Variants in PRKN observed in about 807,000 individuals in gnomAD.
PRKN encodes parkin RBR E3 ubiquitin protein ligase.
In PRKN, 56 loss-of-function variants were observed where a neutral mutation model predicts 59.5. The observed-to-expected ratio is 0.94, with a 90% CI of 0.76 to 1.18. The LOEUF (loss-of-function observed/expected upper bound fraction) is 1.18, where lower values mean the gene tolerates loss of function less well. Among genes scored for constraint, PRKN ranks in the 50% most tolerant of loss-of-function variants. The pLI is 0.00. For missense variants in PRKN, 657 were observed against 596.4 expected (o/e 1.10, Z -1.06); for synonymous variants, 250 against 222.1 (o/e 1.13, Z -1.12).
intron 2 of PRKN, among the ~76,000 whole-genome samples, chr6:162,296,393 G>C (rs1781679996): frequency 6.6e-6 from 1 of 151,962 alleles, no homozygotes; most frequent in Non-Finnish European, 1.5e-5. Context: ...GCTTTTATGT[G>C]AGTCTGATAC....
In PRKN at chr6:162,332,403, G is replaced by C. The variant is rs1171602868; in HGVS notation, c.172-69638C>G. On this transcript the variant is annotated intron_variant, in intron 2 of 11. Coordinates refer to ENST00000366898, the MANE Select transcript of PRKN (RefSeq NM_004562.3). ...CCCCTCTCTCTCCTGAGCCCTGTAG[G>C]CATCCAGGTTTATACCTCCTGCCCT... 2.0e-5 allele frequency among the ~76,000 whole-genome samples: 3 copies of C among 152,100 alleles called. No homozygotes were observed. The East Asian group carries it at 5.8e-4, about 29-fold the overall frequency.
chr6:161,968,432 T>C (rs1780669611), intron 6 of PRKN, among the ~76,000 whole-genome samples: 2 of 152,112 alleles, frequency 1.3e-5, no homozygotes, highest in African/African-American at 4.8e-5. Flanking sequence ...ATGACAGGCC[T>C]GTCTGACCTC....
chr6:162,261,880 T>C (rs547016205), intron 3 of PRKN, among the ~76,000 whole-genome samples: 313 of 152,330 alleles, frequency 2.1e-3, no homozygotes, highest in Non-Finnish European at 3.6e-3. Flanking sequence ...TAGGCTTCCA[T>C]CTTGCAGGCC....
rs1482757161 is a variant in PRKN, at chr6:161,377,499, A to T, written c.1167+9295T>A. The stretch of plus-strand genomic sequence containing the variant: ...CTTAACATACGGCTGCAAGCCAAAA[A>T]TGCACTGTCGCTATCCTGTAATCCT... On this transcript the variant is annotated intron_variant, in intron 10 of 11. Transcript: ENST00000366898. The surrounding 1 kb of genome is among the most constrained non-coding windows in gnomAD (Gnocchi z 4.2). 6.6e-6 allele frequency among the ~76,000 whole-genome samples: 1 copy of T among 152,250 alleles called. No individual in the cohort carries two copies. The highest frequency in any genetic ancestry group is 1.5e-5 in the Non-Finnish European group (1 of 68,048).
At chr6:161,668,556 T>A (rs778035772) in intron 7 of PRKN, among the ~76,000 whole-genome samples, 4 of 152,138 alleles carry the variant, frequency 2.6e-5, no homozygotes, top group Non-Finnish European at 5.9e-5. Context: ...TGCACCAACA[T>A]GAACAAGAGG....
chr6:162,490,412 G>C (rs1384228221), intron 1 of PRKN, among the ~76,000 whole-genome samples: 4 of 152,088 alleles, frequency 2.6e-5, no homozygotes, highest in Non-Finnish European at 5.9e-5. Context: ...ATATACAGAA[G>C]ATCATGAATA....
chr6:161,912,179 A>AG, intron 6 of PRKN, among the ~76,000 whole-genome samples: 1 of 150,682 alleles, frequency 6.6e-6, no homozygotes, highest in East Asian at 1.9e-4. Context: ...TCTGTCCTAA[A>AG]AAAAAAAAAA....
intron 1 of PRKN, among the ~76,000 whole-genome samples, chr6:162,540,883 C>T (rs527967471): frequency 1.3e-5 from 2 of 152,078 alleles, no homozygotes; most frequent in East Asian, 3.9e-4. Flanking sequence ...GTATCTGTCA[C>T]GTGTCATTCT....
chr6:161,490,179 C>T lies in PRKN; in HGVS notation c.1083+58675G>A, dbSNP rs568231910. On this transcript the variant is annotated intron_variant, in intron 9 of 11. Coordinates refer to ENST00000366898, the MANE Select transcript of PRKN (RefSeq NM_004562.3). ...TGACAAACATAAGGCCAAGGAGTAT[C>T]CCTGGTCACAAAGGCTTTGAACTCT... Among the ~76,000 whole-genome samples, 7 of 152,280 alleles carry T rather than the reference C, an allele frequency of 4.6e-5. No individual in the cohort carries two copies. In the South Asian group the frequency reaches 1.0e-3, roughly 23 times the overall value.
In PRKN at chr6:161,462,029, C is replaced by G. The variant is rs1051723622; in HGVS notation, c.1084-75152G>C. On this transcript the variant is annotated intron_variant, in intron 9 of 11. Transcript: ENST00000366898. The surrounding 1 kb of genome is among the most constrained non-coding windows in gnomAD (Gnocchi z 4.5). ...GGATGGCAATGGTGGGGGAAGATGG[C>G]TGGAAAGGTGGGTGAGAAGGGCACC... Among the ~76,000 whole-genome samples the G allele has an allele frequency of 6.6e-6, 1 of 152,028 alleles. No homozygotes were observed. Among genetic ancestry groups the G allele is most frequent in the Non-Finnish European group, 1.5e-5 (1 of 68,004 alleles).
intron 2 of PRKN, among the ~76,000 whole-genome samples, chr6:162,390,396 T>TATATATATATATATATATATAGAC (rs1180636201): frequency 1.2e-5 from 1 of 84,116 alleles, no homozygotes. Context: ...TATATATATA[T>TATATATATATATATATATATAGAC]ACACACACAC....
intron 5 of PRKN, among the ~76,000 whole-genome samples, chr6:162,034,141 TTGTG>T (rs150558275): frequency 6.9e-6 from 1 of 145,682 alleles, no homozygotes. Context: ...GGTCATTCAA[TTGTG>T]TGTGTGTGTG....
chr6:162,656,683 C>T (rs182357497), intron 1 of PRKN, among the ~76,000 whole-genome samples: 9 of 152,276 alleles, frequency 5.9e-5, no homozygotes, highest in Non-Finnish European at 8.8e-5. Context: ...TTTTGAAGAG[C>T]ACATATAATC....
At chr6:162,239,968 TA>T (rs1778916342) in intron 3 of PRKN, among the ~76,000 whole-genome samples, 1 of 152,156 alleles carries the variant, frequency 6.6e-6, no homozygotes, top group Non-Finnish European at 1.5e-5. Flanking sequence ...ACAGCATGAG[TA>T]CTACTTCCCC....
intron 7 of PRKN, among the ~76,000 whole-genome samples, chr6:161,730,288 T>C (rs1787633114): frequency 6.6e-6 from 1 of 151,190 alleles, no homozygotes; most frequent in South Asian, 2.1e-4. Context: ...CTTTCAGATA[T>C]GTTGCATTCT....
chr6:161,657,729 A>G (rs1344781243), intron 7 of PRKN, among the ~76,000 whole-genome samples: 1 of 152,142 alleles, frequency 6.6e-6, no homozygotes, highest in African/African-American at 2.4e-5. Flanking sequence ...ACATGAATTA[A>G]AAACGAGTAT....
Position 161,390,705 on chromosome 6 carries a change from T to C in PRKN, c.1084-3828A>G, listed in dbSNP as rs1395144710. Among the ~76,000 whole-genome samples, 1 of 152,120 alleles carries C rather than the reference T, an allele frequency of 6.6e-6. No homozygotes were observed. Among genetic ancestry groups the C allele is most frequent in the African/African-American group, 2.4e-5 (1 of 41,380 alleles). On this transcript the variant is annotated intron_variant, in intron 9 of 11. Transcript: ENST00000366898. This position sits in a 1 kb window ranked among gnomAD's most constrained non-coding sequence, Gnocchi z 7.0. ...GATTTCACCATGTTGGTCAGGCTGGTCTTGAACTCCTGACCTCAGGTGATC... is the reference window on the plus strand; with the variant it reads ...GATTTCACCATGTTGGTCAGGCTGGCCTTGAACTCCTGACCTCAGGTGATC...
intron 4 of PRKN, among the ~76,000 whole-genome samples, chr6:162,089,886 A>G (rs186272692): frequency 3.3e-5 from 5 of 152,284 alleles, no homozygotes; most frequent in Non-Finnish European, 1.5e-5. Context: ...GGAAGAGGGA[A>G]GTGAGCAGGG....
chr6:161,699,470 G>C (rs937867433), intron 7 of PRKN, among the ~76,000 whole-genome samples: 2 of 152,108 alleles, frequency 1.3e-5, no homozygotes, highest in Admixed American at 6.6e-5. Flanking sequence ...AACAAACTGT[G>C]AAATGTCTCC....
Sources: allele counts gnomAD v4.1 joint callset (sites outside exome capture counted in the v4.1 genomes callset), GRCh38; gene constraint gnomAD v4.1.1; non-coding constraint Gnocchi (gnomAD v3.1); transcripts MANE v1.5; gene names NCBI Gene and HGNC (gene_info 2026-07-23, HGNC 2026-07-21).